The following TMEM131L variants were observed in gnomAD, a reference collection of about 807,000 sequenced individuals.
TMEM131L encodes transmembrane 131 like, also known as transmembrane protein 131-like.
Under a neutral mutation model 192.2 loss-of-function variants are expected in TMEM131L, and 54 were observed. The observed-to-expected ratio is 0.28, with a 90% CI of 0.23 to 0.35. The LOEUF is 0.35. Among genes scored for constraint, TMEM131L ranks in the 10% least tolerant of loss-of-function variants. The pLI, the probability that TMEM131L is intolerant of heterozygous loss-of-function variation, is 1.00. For missense variants in TMEM131L, 1,888 were observed against 1,972.9 expected (o/e 0.96, Z 0.82); for synonymous variants, 701 against 704.9 (o/e 0.99, Z 0.09).
At chr4:153,530,007 C>T (rs1013355902) in intron 3 of TMEM131L, among the ~76,000 whole-genome samples, 3 of 150,966 alleles carry the variant, frequency 2.0e-5, no homozygotes, top group African/African-American at 4.9e-5. Context: ...TTTGCAGCCT[C>T]TAAAATTCTT....
intron 3 of TMEM131L, among the ~76,000 whole-genome samples, 200 bp from the exon 4 acceptor site, chr4:153,549,870 TCTA>T: frequency 6.6e-6 from 1 of 152,378 alleles, no homozygotes; most frequent in East Asian, 1.9e-4. Flanking sequence ...GATATGAAGT[TCTA>T]CTAACCGTAA....
At chr4:153,597,353 T>G (rs1731514425) in intron 20 of TMEM131L, among the ~76,000 whole-genome samples, 1 of 152,162 alleles carries the variant, frequency 6.6e-6, no homozygotes, top group South Asian at 2.1e-4. Context: ...AGAGACAAAC[T>G]TTATTTCATC....
chr4:153,512,398 C>G (rs1197055190), intron 3 of TMEM131L, among the ~76,000 whole-genome samples: 1 of 152,124 alleles, frequency 6.6e-6, no homozygotes, highest in Non-Finnish European at 1.5e-5. Context: ...ATGAGGAGGA[C>G]AGTAAGCATT....
rs371563806 is a variant in TMEM131L, at chr4:153,635,418, C to T, written c.4418-14C>T. 2 of 1,612,436 alleles carry T rather than the reference C, an allele frequency of 1.2e-6. No homozygotes were observed. The highest frequency in any genetic ancestry group is 1.7e-5 in the Admixed American group (1 of 59,876). On this transcript the variant is annotated splice_polypyrimidine_tract_variant and intron_variant, in intron 33 of 34. Coordinates refer to ENST00000409959, the MANE Select transcript of TMEM131L (RefSeq NM_001131007.2). ...AAATGTTTACCTATGATGATATTCT[C>T]CCATTCTTTGTAGAAAACATGAACT...
At chr4:153,565,047 A>T (rs550433945) in intron 7 of TMEM131L, among the ~76,000 whole-genome samples, 27 of 152,268 alleles carry the variant, frequency 1.8e-4, no homozygotes, top group East Asian at 1.7e-3. Context: ...TTCAAGACCC[A>T]GTTCAGATAT....
At chr4:153,623,219 G>T in intron 29 of TMEM131L, 136 bp downstream of exon 29, 1 of 694,158 alleles carries the variant, frequency 1.4e-6, no homozygotes, top group South Asian at 2.8e-5. Context: ...CTTTGCTTTG[G>T]ACTTACTCAC....
chr4:153,606,551 A>G (rs959988768), intron 25 of TMEM131L, among the ~76,000 whole-genome samples: 3 of 152,246 alleles, frequency 2.0e-5, no homozygotes, highest in African/African-American at 7.2e-5. Context: ...TTCAATGCCA[A>G]TAGCTGAGCC....
At chr4:153,619,857 T>C (rs1733264591) in intron 26 of TMEM131L, among the ~76,000 whole-genome samples, 1 of 152,184 alleles carries the variant, frequency 6.6e-6, no homozygotes, top group African/African-American at 2.4e-5. Flanking sequence ...AGGGGACTCT[T>C]CTGGATCTAG....
intron 3 of TMEM131L, among the ~76,000 whole-genome samples, chr4:153,482,018 TG>T (rs1303095410): frequency 6.6e-6 from 1 of 152,120 alleles, no homozygotes; most frequent in Non-Finnish European, 1.5e-5. Context: ...AGCTAATTTT[TG>T]TATTTTTAGT....
intron 26 of TMEM131L, among the ~76,000 whole-genome samples, chr4:153,616,683 T>G (rs959749645): frequency 6.6e-6 from 1 of 152,240 alleles, no homozygotes; most frequent in African/African-American, 2.4e-5. Flanking sequence ...AAACCACTTT[T>G]AACATTTTTG....
chr4:153,485,106 G>A (rs1213579058), intron 3 of TMEM131L, among the ~76,000 whole-genome samples: 9 of 140,378 alleles, frequency 6.4e-5, no homozygotes, highest in African/African-American at 2.4e-4. Flanking sequence ...GCGAAAGAGC[G>A]AGACTCTGTC....
intron 3 of TMEM131L, among the ~76,000 whole-genome samples, chr4:153,529,180 C>G (rs1735713869): frequency 6.6e-6 from 1 of 152,076 alleles, no homozygotes; most frequent in Non-Finnish European, 1.5e-5. Context: ...TGACTTTCAT[C>G]TGTAGAAAAT....
chr4:153,516,537 C>T (rs7668597), intron 3 of TMEM131L, among the ~76,000 whole-genome samples: 4,762 of 152,088 alleles, frequency 0.031, 248 homozygotes, highest in African/African-American at 0.1. Flanking sequence ...GCCCTAAAAT[C>T]GAATTCTTTA....
chr4:153,475,262 C>T (rs994348394), intron 3 of TMEM131L, among the ~76,000 whole-genome samples: 1 of 152,052 alleles, frequency 6.6e-6, no homozygotes, highest in Non-Finnish European at 1.5e-5. Context: ...GAAGGAGGAC[C>T]CAATGAATTT....
chr4:153,490,266 A>G (rs1732669359), intron 3 of TMEM131L, among the ~76,000 whole-genome samples: 1 of 152,206 alleles, frequency 6.6e-6, no homozygotes, highest in South Asian at 2.1e-4. Flanking sequence ...TAGCAGATTC[A>G]TGTTTTGGGA....
At chr4:153,484,067 AGTC>A (rs1732135848) in intron 3 of TMEM131L, among the ~76,000 whole-genome samples, 1 of 152,192 alleles carries the variant, frequency 6.6e-6, no homozygotes, top group Admixed American at 6.5e-5. Context: ...TTCCCAAGGC[AGTC>A]TTCTCTGTCT....
In TMEM131L at chr4:153,596,348, G is replaced by T; in HGVS notation, c.2086G>T (p.Ala696Ser). Reference protein sequence around the residue: ...MKRVGVVFTPADYGKVTSLIL... With the variant: ...MKRVGVVFTPSDYGKVTSLIL... Reference sequence around the variant, plus strand: ...AAGGGTTGGCGTAGTTTTCACACCTGCTGACTATGGAAAAGTTACCTCACT... The same window carrying T: ...AAGGGTTGGCGTAGTTTTCACACCTTCTGACTATGGAAAAGTTACCTCACT... Residue 696 changes from alanine to serine, a missense_variant, in exon 20 of 35, where the codon GCT (alanine) becomes TCT (serine). Ala to Ser is a moderately conservative substitution (Grantham distance 99, BLOSUM62 1). Transcript: ENST00000409959. 6.2e-7 allele frequency: 1 copy of T among 1,613,850 alleles called. No homozygotes were observed. The highest frequency in any genetic ancestry group is 1.1e-5 in the South Asian group (1 of 91,080).
intron 26 of TMEM131L, among the ~76,000 whole-genome samples, chr4:153,619,327 A>G (rs1733223422): frequency 6.6e-6 from 1 of 152,232 alleles, no homozygotes; most frequent in Non-Finnish European, 1.5e-5. Flanking sequence ...GAAAGACACA[A>G]AGGAACAATA....
chr4:153,502,173 G>C (rs1733659035), intron 3 of TMEM131L, among the ~76,000 whole-genome samples: 1 of 151,922 alleles, frequency 6.6e-6, no homozygotes, highest in South Asian at 2.1e-4. Flanking sequence ...CCAACACCTG[G>C]GCTCAAGCAG....
Sources: gnomAD v4.1 joint callset for allele counts (sites outside exome capture counted in the v4.1 genomes callset) on GRCh38, gnomAD v4.1.1 for gene constraint, MANE v1.5 for transcripts, NCBI Gene and HGNC (gene_info 2026-07-23, HGNC 2026-07-21) for gene names.